The following PCDHA2 variants were observed in gnomAD, a reference collection of about 807,000 sequenced individuals.
PCDHA2 encodes protocadherin alpha-2.
In PCDHA2, 58 loss-of-function variants were observed where a neutral mutation model predicts 66.0. The ratio of observed to expected loss-of-function variants is 0.88; its 90% CI spans 0.71 to 1.09. The LOEUF is 1.09. PCDHA2 is among the 50% of genes least tolerant of loss of function. The pLI, the probability that PCDHA2 is intolerant of heterozygous loss-of-function variation, is 0.00. For synonymous variants in PCDHA2, 634 were observed against 554.0 expected, an observed-to-expected ratio of 1.14 and a Z score of -2.03; for missense variants, 1,267 against 1,242.3, an observed-to-expected ratio of 1.02 and a Z score of -0.30.
At chr5:140,921,676 T>A (rs2080324583) in intron 1 of PCDHA2, among the ~76,000 whole-genome samples, 1 of 152,178 alleles carries the variant, frequency 6.6e-6, no homozygotes, top group South Asian at 2.1e-4. Flanking sequence ...ACAGTTATCA[T>A]CAAACACTGG....
At chr5:140,803,311 G>A in intron 1 of PCDHA2, 1 of 1,614,146 alleles carries the variant, frequency 6.2e-7, no homozygotes, top group Non-Finnish European at 8.5e-7. Flanking sequence ...GTCGCCATCT[G>A]CGCGGTGTCC....
At chr5:140,851,273 G>C in intron 1 of PCDHA2, 1 of 1,057,916 alleles carries the variant, frequency 9.5e-7, no homozygotes, top group African/African-American at 1.7e-5. Flanking sequence ...TACTTGTATT[G>C]TTTATAAGAA....
intron 1 of PCDHA2, among the ~76,000 whole-genome samples, chr5:140,838,089 T>G (rs1418087315): frequency 1.6e-5 from 2 of 121,978 alleles, no homozygotes; most frequent in African/African-American, 6.2e-5. Context: ...TGTGTGTGTG[T>G]GTGTGTGTGT....
chr5:140,812,603 G>T (rs1554126021), intron 1 of PCDHA2: 2 of 151,592 alleles, frequency 1.3e-5, no homozygotes, highest in African/African-American at 4.9e-5. Context: ...TTTAGTGTAG[G>T]CATTTACAAC....
intron 1 of PCDHA2, chr5:140,877,065 G>T (rs782807909): frequency 6.2e-7 from 1 of 1,613,044 alleles, no homozygotes; most frequent in Non-Finnish European, 8.5e-7. Flanking sequence ...TGGAGCTGCT[G>T]CAGTTCCAGG....
intron 1 of PCDHA2, chr5:140,857,068 G>A (rs2044345750): frequency 1.3e-6 from 2 of 1,596,170 alleles, no homozygotes; most frequent in Admixed American, 3.4e-5. Context: ...TGGAACTACT[G>A]GATGAAAATG....
chr5:140,836,005 G>A (rs1554135535), intron 1 of PCDHA2: 5 of 1,613,362 alleles, frequency 3.1e-6, no homozygotes, highest in Admixed American at 1.7e-5. Context: ...CGCGATGCGG[G>A]CGTGCCGCCT....
At chr5:140,857,588 G>A (rs2044704730) in intron 1 of PCDHA2, 2 of 1,596,484 alleles carry the variant, frequency 1.3e-6, no homozygotes, top group African/African-American at 1.3e-5. Flanking sequence ...CGCGGAGAGC[G>A]GCAAGGTGTA....
chr5:140,908,351 AACTT>A (rs1422870011), intron 1 of PCDHA2, among the ~76,000 whole-genome samples: 5 of 152,154 alleles, frequency 3.3e-5, no homozygotes, highest in African/African-American at 1.2e-4. Context: ...TACCTCATGT[AACTT>A]ACTTGTGCCT....
chr5:140,829,380 G>A, intron 1 of PCDHA2: 1 of 1,614,112 alleles, frequency 6.2e-7, no homozygotes, highest in Non-Finnish European at 8.5e-7. Flanking sequence ...GCGCGGGACG[G>A]GGGCTCGCCT....
At chr5:140,805,846 G>A (rs1000448785) in intron 1 of PCDHA2, among the ~76,000 whole-genome samples, 2 of 151,978 alleles carry the variant, frequency 1.3e-5, no homozygotes, top group East Asian at 1.9e-4. Context: ...CTAGATATGC[G>A]ATCACCTTAA....
intron 1 of PCDHA2, chr5:140,859,685 A>AT (rs1250609126): frequency 6.5e-6 from 1 of 154,692 alleles, no homozygotes; most frequent in Admixed American, 6.4e-5. Context: ...TAAAATTAAA[A>AT]TTATTGTTCA....
At chr5:140,963,443 T>C (rs1554226608) in intron 1 of PCDHA2, among the ~76,000 whole-genome samples, 1 of 152,248 alleles carries the variant, frequency 6.6e-6, no homozygotes, top group African/African-American at 2.4e-5. Flanking sequence ...TCATACTCTG[T>C]TGCTAAAGTA....
rs1554142981 is a variant in PCDHA2, at chr5:140,849,496, G to A, written c.2388+52144G>A. The A allele has an allele frequency of 6.3e-7, 1 of 1,593,496 alleles. No individual in the cohort carries two copies. Among genetic ancestry groups the A allele is most frequent in the South Asian group, 1.1e-5 (1 of 90,348 alleles). ...GGCTTCCCACCCCTGGCTGGTCATT[G>A]TACACTTCTTGTGGAAGTTGTGGAT... is the stretch of plus-strand genomic sequence containing the variant. On this transcript the variant is annotated intron_variant, in intron 1 of 3. Coordinates refer to ENST00000526136, the MANE Select transcript of PCDHA2 (RefSeq NM_018905.3).
At chr5:140,964,959 T>C (rs1330728069) in intron 1 of PCDHA2, among the ~76,000 whole-genome samples, 2 of 152,168 alleles carry the variant, frequency 1.3e-5, no homozygotes, top group African/African-American at 4.8e-5. Context: ...GCTTGGTTGG[T>C]GGAACGAAGG....
At chr5:140,824,920 A>G (rs1768395100) in intron 1 of PCDHA2, 1 of 152,304 alleles carries the variant, frequency 6.6e-6, no homozygotes, top group African/African-American at 2.4e-5. Context: ...CTGTATACCC[A>G]TGATGAATTT....
intron 1 of PCDHA2, chr5:140,825,247 C>A (rs1768490028): frequency 6.6e-6 from 1 of 150,876 alleles, no homozygotes; most frequent in Non-Finnish European, 1.5e-5. Context: ...CTATGGTGTT[C>A]CATTGTGTAG....
intron 1 of PCDHA2, chr5:140,867,665 T>C (rs2050092984): frequency 6.6e-6 from 1 of 152,154 alleles, no homozygotes; most frequent in Non-Finnish European, 1.5e-5. Context: ...CACTTTCTAC[T>C]CTAAAATTTT....
intron 3 of PCDHA2, among the ~76,000 whole-genome samples, chr5:140,984,759 T>C (rs2097119018): frequency 6.6e-6 from 1 of 152,184 alleles, no homozygotes; most frequent in Non-Finnish European, 1.5e-5. Context: ...AGTTGAATTC[T>C]AATCCCAAGC....
Sources: allele counts gnomAD v4.1 joint callset (sites outside exome capture counted in the v4.1 genomes callset), GRCh38; gene constraint gnomAD v4.1.1; transcripts MANE v1.5; gene names NCBI Gene and HGNC (gene_info 2026-07-23, HGNC 2026-07-21).